The following ZBTB8A variants were observed in gnomAD, a reference collection of about 807,000 sequenced individuals.
ZBTB8A encodes the protein zinc finger and BTB domain containing 8A.
A neutral mutation model predicts 37.8 loss-of-function variants in ZBTB8A; 19 were observed. The ratio of observed to expected loss-of-function variants is 0.50; its 90% confidence interval spans 0.35 to 0.74. The LOEUF is 0.74. ZBTB8A is among the 30% of genes least tolerant of loss of function. The pLI is 0.01. For missense variants in ZBTB8A, 394 were observed against 537.8 expected (o/e 0.73, Z 2.65); for synonymous variants, 181 against 185.2 (o/e 0.98, Z 0.19).
At chr1:32,583,773 T>C (rs1048851736) in intron 2 of ZBTB8A, among the ~76,000 whole-genome samples, 1 of 151,964 alleles carries the variant, frequency 6.6e-6, no homozygotes, top group Non-Finnish European at 1.5e-5. Context: ...AAATGGAGTC[T>C]CACTCTGTCA....
chr1:32,558,723 C>T (rs1346703981), intron 2 of ZBTB8A, among the ~76,000 whole-genome samples: 1 of 151,996 alleles, frequency 6.6e-6, no homozygotes, highest in African/African-American at 2.4e-5. Flanking sequence ...AGAAAGGAGA[C>T]ACAGATGAAG....
At chr1:32,558,090 T>C (rs1215377672) in intron 2 of ZBTB8A, among the ~76,000 whole-genome samples, 1 of 152,184 alleles carries the variant, frequency 6.6e-6, no homozygotes, top group African/African-American at 2.4e-5. Context: ...ATATAACATA[T>C]ATAGACCTAT....
chr1:32,553,711 A>C, intron 2 of ZBTB8A, among the ~76,000 whole-genome samples, 171 bp downstream of exon 2: 1 of 151,008 alleles, frequency 6.6e-6, no homozygotes, highest in Non-Finnish European at 1.5e-5. Flanking sequence ...AGATGGAGAA[A>C]CCCTGTCTCT....
At chr1:32,540,304 A>T (rs1455619290) in intron 1 of ZBTB8A, among the ~76,000 whole-genome samples, 1 of 151,946 alleles carries the variant, frequency 6.6e-6, no homozygotes. Context: ...ACTCCACATC[A>T]TTCTAAGACG....
intron 1 of ZBTB8A, among the ~76,000 whole-genome samples, chr1:32,540,862 A>T (rs900344780): frequency 6.6e-6 from 1 of 152,162 alleles, no homozygotes; most frequent in African/African-American, 2.4e-5. Flanking sequence ...AATCTGGCTT[A>T]GGGCCCTTGA....
At chr1:32,589,354 G>T (rs944513113) in intron 2 of ZBTB8A, among the ~76,000 whole-genome samples, 4 of 149,650 alleles carry the variant, frequency 2.7e-5, no homozygotes, top group Admixed American at 6.7e-5. Flanking sequence ...AGGTTCAAGC[G>T]ATTCTCCTGC....
rs1302069235 is a variant in ZBTB8A, at chr1:32,602,173, A to G, written c.*1754A>G. ...GAGAAACCCCGTCTCTACTAAAAAT[A>G]CAAAATTAGCCGGGCGTGGTGGTGC... On this transcript the variant is annotated 3_prime_UTR_variant, in exon 5 of 5. Transcript: ENST00000373510. 6.6e-6 allele frequency: 1 copy of G among 152,042 alleles called. No individual in the cohort carries two copies. The highest frequency in any genetic ancestry group is 1.5e-5 in the Non-Finnish European group (1 of 68,062). The allele number at this position is 152,042 out of a possible 1,614,324, so 9.4% of individuals were successfully genotyped here.
At chr1:32,541,860 A>C (rs1314735128) in intron 1 of ZBTB8A, among the ~76,000 whole-genome samples, 1 of 152,182 alleles carries the variant, frequency 6.6e-6, no homozygotes, top group Non-Finnish European at 1.5e-5. Flanking sequence ...ATCGGGATGA[A>C]GTTTCAACAT....
intron 1 of ZBTB8A, among the ~76,000 whole-genome samples, chr1:32,544,641 G>C (rs1160276452): frequency 6.6e-6 from 1 of 152,220 alleles, no homozygotes; most frequent in Admixed American, 6.5e-5. Flanking sequence ...AGGTTGCAGT[G>C]ACCTGAGATG....
At chr1:32,595,634 A>G (rs1570372288) in intron 4 of ZBTB8A, among the ~76,000 whole-genome samples, 1 of 145,914 alleles carries the variant, frequency 6.9e-6, no homozygotes, top group East Asian at 2.1e-4. Flanking sequence ...CAGTGGTGCC[A>G]TCTCAGCTCA....
At chr1:32,579,811 T>A (rs1644390199) in intron 2 of ZBTB8A, among the ~76,000 whole-genome samples, 1 of 152,170 alleles carries the variant, frequency 6.6e-6, no homozygotes, top group African/African-American at 2.4e-5. Flanking sequence ...TTCTAATTGT[T>A]TATAGCAGAA....
intron 2 of ZBTB8A, among the ~76,000 whole-genome samples, chr1:32,565,837 CAG>C (rs1202864594): frequency 8.5e-5 from 13 of 152,182 alleles, no homozygotes; most frequent in African/African-American, 9.6e-5. Flanking sequence ...GTGGAAAAAA[CAG>C]AGACTCATAC....
intron 2 of ZBTB8A, among the ~76,000 whole-genome samples, chr1:32,560,193 G>A (rs1285860042): frequency 6.6e-6 from 1 of 152,108 alleles, no homozygotes; most frequent in East Asian, 1.9e-4. Flanking sequence ...AAACCATCAT[G>A]AGAACTCTGC....
rs144529739 is a variant in ZBTB8A, at chr1:32,593,177, C to T, written c.246C>T (p.Phe82=). The T allele has an allele frequency of 7.4e-5, 119 of 1,614,174 alleles. No individual in the cohort carries two copies. The African/African-American group carries it at 1.3e-3, about 18-fold the overall frequency. Residue 82 remains phenylalanine (F), a synonymous_variant, in exon 3 of 5, where the codon TTC becomes TTT. Transcript: ENST00000373510. ...SPDTFTVILD[F]VYSGKLSLTG... Reference sequence around the variant, plus strand: ...ACACTTTTACAGTTATCTTGGACTTCGTATATTCTGGCAAACTGTCTCTTA... The same window carrying T: ...ACACTTTTACAGTTATCTTGGACTTTGTATATTCTGGCAAACTGTCTCTTA...
At chr1:32,547,105 T>G (rs1200861090) in intron 1 of ZBTB8A, among the ~76,000 whole-genome samples, 1 of 152,112 alleles carries the variant, frequency 6.6e-6, no homozygotes, top group East Asian at 1.9e-4. Flanking sequence ...GGTCTCGCCA[T>G]GTTGCCCAGG....
intron 2 of ZBTB8A, among the ~76,000 whole-genome samples, chr1:32,576,926 G>A (rs916115962): frequency 1.3e-5 from 2 of 148,960 alleles, no homozygotes; most frequent in African/African-American, 5.0e-5. Flanking sequence ...AGGCTGGAGT[G>A]CAGTGGCATG....
chr1:32,552,950 T>C (rs1644169077), intron 1 of ZBTB8A, among the ~76,000 whole-genome samples: 1 of 148,836 alleles, frequency 6.7e-6, no homozygotes, highest in Non-Finnish European at 1.5e-5. Context: ...TATATATTAA[T>C]ATTAATTATT....
At chr1:32,580,821 G>A (rs942701516) in intron 2 of ZBTB8A, among the ~76,000 whole-genome samples, 3 of 151,872 alleles carry the variant, frequency 2.0e-5, no homozygotes, top group African/African-American at 7.2e-5. Flanking sequence ...CATCTGGCAA[G>A]GATCATCGGA....
At chr1:32,540,314 G>C (rs1644042806) in intron 1 of ZBTB8A, among the ~76,000 whole-genome samples, 1 of 152,036 alleles carries the variant, frequency 6.6e-6, no homozygotes, top group Non-Finnish European at 1.5e-5. Flanking sequence ...ATTCTAAGAC[G>C]CGTTTGGAAG....
Sources: allele counts gnomAD v4.1 joint callset (sites outside exome capture counted in the v4.1 genomes callset), GRCh38; gene constraint gnomAD v4.1.1; transcripts MANE v1.5; gene names NCBI Gene and HGNC (gene_info 2026-07-23, HGNC 2026-07-21).